Variants in LYPLAL1 observed in about 807,000 individuals in gnomAD.
LYPLAL1 encodes the protein lysophospholipase-like protein 1.
Under a neutral mutation model 19.7 loss-of-function variants are expected in LYPLAL1, and 23 were observed. That is an observed-to-expected ratio of 1.17 (90% CI 0.84 to 1.65). The LOEUF (loss-of-function observed/expected upper bound fraction) is 1.65, where lower values mean the gene tolerates loss of function less well. Ranked by LOEUF, LYPLAL1 falls within the 40% of genes most tolerant of loss-of-function variation. The pLI is 0.00. For synonymous variants in LYPLAL1, 119 were observed against 96.3 expected (o/e 1.24, Z -1.38); for missense variants, 355 against 279.4 (o/e 1.27, Z -1.93).
chr1:219,440,619 G>A, the LYPLAL1 span, among the ~76,000 whole-genome samples: 8 of 152,200 alleles, frequency 5.3e-5, 1 homozygote, highest in African/African-American at 1.9e-4. Context: ...AATGGCTATA[G>A]AAATAAAAAC....
At chr1:219,428,317 T>G in the LYPLAL1 span, among the ~76,000 whole-genome samples, 1 of 152,202 alleles carries the variant, frequency 6.6e-6, no homozygotes, top group Non-Finnish European at 1.5e-5. Flanking sequence ...GGAACTCGAG[T>G]TTTGCCAGGG....
the LYPLAL1 span, among the ~76,000 whole-genome samples, chr1:219,269,080 C>T: frequency 6.6e-6 from 1 of 152,202 alleles, no homozygotes; most frequent in Non-Finnish European, 1.5e-5. Flanking sequence ...CCAGCAGTCT[C>T]TTCTAAAAGT....
chr1:219,388,549 C>G, the LYPLAL1 span, among the ~76,000 whole-genome samples: 1 of 152,082 alleles, frequency 6.6e-6, no homozygotes, highest in Non-Finnish European at 1.5e-5. Context: ...AGTGGGACAC[C>G]TCTTTCAATC....
At chr1:219,299,149 T>TC in the LYPLAL1 span, among the ~76,000 whole-genome samples, 6 of 151,286 alleles carry the variant, frequency 4.0e-5, no homozygotes, top group Admixed American at 1.3e-4. Context: ...GCTTTTTTTT[T>TC]TTTTTTTTGT....
At chr1:219,215,598 T>G (rs1572224240), downstream of LYPLAL1, among the ~76,000 whole-genome samples, 1 of 152,212 alleles carries the variant, frequency 6.6e-6, no homozygotes, top group East Asian at 1.9e-4. Flanking sequence ...CTCTGTGCAG[T>G]TCACTTGTCT....
intron 2 of LYPLAL1, among the ~76,000 whole-genome samples, chr1:219,185,173 TCAAATTTATTGA>T (rs1038273334): frequency 7.2e-5 from 11 of 151,938 alleles, no homozygotes; most frequent in African/African-American, 2.2e-4. Context: ...TTCTGATTTG[TCAAATTTATTGA>T]CAAAAAGATG....
chr1:219,224,698 C>T, the LYPLAL1 span, among the ~76,000 whole-genome samples: 1 of 152,118 alleles, frequency 6.6e-6, no homozygotes, highest in African/African-American at 2.4e-5. Flanking sequence ...CCTTTGTAGA[C>T]ATTTTAATAT....
the LYPLAL1 span, among the ~76,000 whole-genome samples, chr1:219,230,681 T>C: frequency 1.3e-5 from 2 of 152,256 alleles, no homozygotes; most frequent in African/African-American, 4.8e-5. Context: ...GTGTCTCCTT[T>C]AACCCTATTC....
the LYPLAL1 span, among the ~76,000 whole-genome samples, chr1:219,260,743 A>G: frequency 5.3e-5 from 8 of 151,178 alleles, no homozygotes; most frequent in Non-Finnish European, 1.0e-4. Context: ...TATATAAAAA[A>G]AGCCTTATAA....
chr1:219,190,258 G>T (rs1237503436), intron 2 of LYPLAL1, among the ~76,000 whole-genome samples: 1 of 151,454 alleles, frequency 6.6e-6, no homozygotes, highest in Non-Finnish European at 1.5e-5. Context: ...AGAAATCAGG[G>T]TTAGAGAGAC....
At chr1:219,305,250 T>C in the LYPLAL1 span, among the ~76,000 whole-genome samples, 3 of 152,116 alleles carry the variant, frequency 2.0e-5, no homozygotes, top group African/African-American at 4.8e-5. Context: ...GGTGATGAGA[T>C]ATGACATGTA....
the LYPLAL1 span, among the ~76,000 whole-genome samples, chr1:219,225,115 T>A: frequency 3.3e-5 from 5 of 152,284 alleles, no homozygotes; most frequent in African/African-American, 1.2e-4. Context: ...GGCTTCAGAC[T>A]GCTGGCTCCA....
At position 219,193,252 on chromosome 1, in the gene LYPLAL1, G is replaced by C; in HGVS notation, c.361+1G>C. On this transcript the variant is annotated splice_donor_variant, in intron 3 of 4. Coordinates refer to ENST00000366928, the MANE Select transcript of LYPLAL1 (RefSeq NM_138794.5). LOFTEE classifies it high-confidence loss of function. ...ATCAAGAAGAACAGGATATTAATAG[G>C]TAAGACCTTTAAATGTTGGTAATTT... 1.2e-6 allele frequency: 2 copies of C among 1,603,860 alleles called. No individual in the cohort carries two copies. The highest frequency in any genetic ancestry group is 1.7e-6 in the Non-Finnish European group (2 of 1,173,986).
intron 2 of LYPLAL1, among the ~76,000 whole-genome samples, chr1:219,183,825 A>G (rs1572160715): frequency 6.6e-6 from 1 of 151,896 alleles, no homozygotes; most frequent in African/African-American, 2.4e-5. Flanking sequence ...TTATTTATCT[A>G]CTGTTGTTGC....
At chr1:219,345,446 G>A in the LYPLAL1 span, among the ~76,000 whole-genome samples, 1 of 151,994 alleles carries the variant, frequency 6.6e-6, no homozygotes. Context: ...AGTTTTTTGG[G>A]GATTTGGTTT....
the LYPLAL1 span, among the ~76,000 whole-genome samples, chr1:219,321,280 A>G: frequency 3.9e-5 from 6 of 151,936 alleles, no homozygotes; most frequent in Non-Finnish European, 8.8e-5. Context: ...CCACTTTTTG[A>G]TGGGGTTGTT....
chr1:219,359,314 A>G, the LYPLAL1 span, among the ~76,000 whole-genome samples: 4 of 152,214 alleles, frequency 2.6e-5, no homozygotes, highest in African/African-American at 9.6e-5. Context: ...TAAAGAACAT[A>G]CAAAGCAAAC....
At chr1:219,380,468 T>A in the LYPLAL1 span, among the ~76,000 whole-genome samples, 3 of 152,236 alleles carry the variant, frequency 2.0e-5, no homozygotes, top group Non-Finnish European at 4.4e-5. Context: ...TCTTGTCATG[T>A]ACAGTCATTG....
chr1:219,368,833 C>G, the LYPLAL1 span, among the ~76,000 whole-genome samples: 2,188 of 152,240 alleles, frequency 0.014, 26 homozygotes, highest in Non-Finnish European at 0.023. Flanking sequence ...ACTATCTACA[C>G]CATTAAACTA....
Sources: gnomAD v4.1 joint callset for allele counts (sites outside exome capture counted in the v4.1 genomes callset) on GRCh38, gnomAD v4.1.1 for gene constraint, MANE v1.5 for transcripts, NCBI Gene and HGNC (gene_info 2026-07-23, HGNC 2026-07-21) for gene names.